The following TMEM245 variants were observed in gnomAD, a reference collection of about 807,000 sequenced individuals.
TMEM245 encodes the protein protein CG-2.
Under a neutral mutation model 101.2 loss-of-function variants are expected in TMEM245, and 69 were observed. That is an observed-to-expected ratio of 0.68 (90% CI 0.56 to 0.83). The LOEUF (loss-of-function observed/expected upper bound fraction) is 0.83. Ranked by LOEUF, TMEM245 falls within the 40% of genes least tolerant of loss-of-function variation. TMEM245 has a pLI of 0.00. For missense variants in TMEM245, 1,075 were observed against 1,092.8 expected, an observed-to-expected ratio of 0.98 and a Z score of 0.23; for synonymous variants, 537 against 449.8, an observed-to-expected ratio of 1.19 and a Z score of -2.45.
At chr9:109,037,197 A>G (rs1042734987) in intron 15 of TMEM245, among the ~76,000 whole-genome samples, 1 of 152,184 alleles carries the variant, frequency 6.6e-6, no homozygotes, top group Non-Finnish European at 1.5e-5. Flanking sequence ...AGATCTTAAG[A>G]GGTATGGAGG....
At chr9:109,119,156 C>T (rs1564218303) in intron 1 of TMEM245, among the ~76,000 whole-genome samples, 179 bp downstream of exon 1, 1 of 152,238 alleles carries the variant, frequency 6.6e-6, no homozygotes, top group Non-Finnish European at 1.5e-5. Context: ...CGCCCGCCCC[C>T]TTTTTGGAAG....
At chr9:109,060,237 G>T in intron 11 of TMEM245, 117 bp downstream of exon 11, 1 of 731,324 alleles carries the variant, frequency 1.4e-6, no homozygotes, top group Non-Finnish European at 2.2e-6. Context: ...TTAAGGTTTT[G>T]CTGTTTTGAA....
chr9:109,045,272 T>C (rs1828451993), intron 14 of TMEM245, among the ~76,000 whole-genome samples: 1 of 152,154 alleles, frequency 6.6e-6, no homozygotes, highest in African/African-American at 2.4e-5. Context: ...TCTTGATTAA[T>C]CTGCCCTGGA....
At chr9:109,095,485 A>G (rs897468928) in intron 3 of TMEM245, among the ~76,000 whole-genome samples, 4 of 152,202 alleles carry the variant, frequency 2.6e-5, no homozygotes, top group Admixed American at 2.0e-4. Flanking sequence ...CAGTGAAAGA[A>G]GGTCAGTGTG....
intron 3 of TMEM245, 40 bp from the exon 4 acceptor site, chr9:109,093,631 G>A: frequency 6.6e-7 from 1 of 1,511,054 alleles, no homozygotes; most frequent in Non-Finnish European, 9.2e-7. Flanking sequence ...CTTTAAAGTA[G>A]GAAATAATGG....
At chr9:109,117,269 C>T (rs1253792739) in intron 1 of TMEM245, among the ~76,000 whole-genome samples, 1 of 148,086 alleles carries the variant, frequency 6.8e-6, no homozygotes, top group Non-Finnish European at 1.5e-5. Flanking sequence ...ACCACCACAC[C>T]CAGCTAATTT....
chr9:109,053,340 T>C (rs796627224), intron 12 of TMEM245, among the ~76,000 whole-genome samples: 74 of 152,138 alleles, frequency 4.9e-4, no homozygotes, highest in African/African-American at 1.6e-3. Context: ...GGCACAAAAA[T>C]TTCTTGAACC....
intron 17 of TMEM245, among the ~76,000 whole-genome samples, chr9:109,032,938 A>C (rs1314347284): frequency 2.0e-5 from 3 of 149,914 alleles, no homozygotes; most frequent in East Asian, 2.0e-4. Flanking sequence ...AGCTGGGTTC[A>C]CAGGCGGGTG....
At chr9:109,116,928 CA>C (rs1448472106) in intron 1 of TMEM245, among the ~76,000 whole-genome samples, 4 of 152,162 alleles carry the variant, frequency 2.6e-5, no homozygotes, top group Non-Finnish European at 5.9e-5. Context: ...GAGCAGAATG[CA>C]ATTCCATGCC....
At chr9:109,104,753 T>C (rs1830366225) in intron 3 of TMEM245, among the ~76,000 whole-genome samples, 1 of 152,114 alleles carries the variant, frequency 6.6e-6, no homozygotes, top group South Asian at 2.1e-4. Context: ...GTCAACTGAT[T>C]TCTGACAAGG....
Position 109,020,330 on chromosome 9 carries a change from G to C in TMEM245, c.*130C>G, listed in dbSNP as rs776428087. ...CTTGTCCAGGCATTCTGTATGTAAG[G>C]CCAGGAGGCTTCTGCTTCTTTCCTG... is the stretch of plus-strand genomic sequence containing the variant. On this transcript the variant is annotated 3_prime_UTR_variant, in exon 18 of 18. Coordinates refer to ENST00000374586, the MANE Select transcript of TMEM245 (RefSeq NM_032012.4). 1.1e-5 allele frequency: 10 copies of C among 871,534 alleles called. No homozygotes were observed. The highest frequency in any genetic ancestry group is 2.0e-5 in the Non-Finnish European group (10 of 504,652). The allele number at this position is 871,534 out of a possible 1,614,324, so 54.0% of individuals were successfully genotyped here. A position where few individuals can be genotyped will look rare whatever the true frequency, so the allele number is the denominator to read the frequency against.
At chr9:109,101,819 G>T (rs1830289246) in intron 3 of TMEM245, among the ~76,000 whole-genome samples, 1 of 152,078 alleles carries the variant, frequency 6.6e-6, no homozygotes, top group African/African-American at 2.4e-5. Flanking sequence ...AATCGACCAT[G>T]GTCTTCTTTT....
At chr9:109,069,274 C>T (rs1451719869) in intron 9 of TMEM245, among the ~76,000 whole-genome samples, 4 of 152,108 alleles carry the variant, frequency 2.6e-5, no homozygotes, top group Non-Finnish European at 5.9e-5. Context: ...GCATTGACTT[C>T]CAGTACAGAA....
chr9:109,062,392 G>A (rs1343610300), intron 10 of TMEM245, among the ~76,000 whole-genome samples: 1 of 152,120 alleles, frequency 6.6e-6, no homozygotes, highest in African/African-American at 2.4e-5. Flanking sequence ...TTACATAAAT[G>A]ACCCAATTTC....
chr9:109,108,384 TCA>T (rs1400293505), intron 2 of TMEM245, 67 bp downstream of exon 2: 22 of 778,246 alleles, frequency 2.8e-5, no homozygotes, highest in Non-Finnish European at 4.2e-5. Flanking sequence ...TCACTTTCAT[TCA>T]CACAGTCAGC....
At chr9:109,033,822 G>A (rs899615271) in intron 16 of TMEM245, among the ~76,000 whole-genome samples, 13 of 152,200 alleles carry the variant, frequency 8.5e-5, no homozygotes, top group Non-Finnish European at 2.9e-5. Flanking sequence ...GTTGGCTTGG[G>A]ACTGGTTAGG....
At chr9:109,051,442 G>A (rs994861542) in intron 12 of TMEM245, among the ~76,000 whole-genome samples, 7 of 151,898 alleles carry the variant, frequency 4.6e-5, no homozygotes, top group African/African-American at 9.7e-5. Flanking sequence ...AGGCAATTTC[G>A]TCCTGCAAAT....
intron 7 of TMEM245, among the ~76,000 whole-genome samples, chr9:109,084,389 G>T (rs1164660475): frequency 6.6e-6 from 1 of 152,022 alleles, no homozygotes; most frequent in Non-Finnish European, 1.5e-5. Context: ...TCAAAGGAAA[G>T]AAAAAAAGGA....
At chr9:109,111,966 C>A (rs1219601155) in intron 1 of TMEM245, among the ~76,000 whole-genome samples, 2 of 152,064 alleles carry the variant, frequency 1.3e-5, no homozygotes, top group East Asian at 3.9e-4. Flanking sequence ...GTATTTTTAA[C>A]CTTTAGGAAA....
Sources: allele counts gnomAD v4.1 joint callset (sites outside exome capture counted in the v4.1 genomes callset), GRCh38; gene constraint gnomAD v4.1.1; transcripts MANE v1.5; gene names NCBI Gene and HGNC (gene_info 2026-07-23, HGNC 2026-07-21).